The following RYR2 variants were observed in gnomAD, a reference collection of about 807,000 sequenced individuals.
The protein encoded by RYR2 is ryanodine receptor 2.
In RYR2, 227 loss-of-function variants were observed where a neutral mutation model predicts 601.1. That is an observed-to-expected ratio of 0.38 (90% confidence interval 0.34 to 0.42). The LOEUF (loss-of-function observed/expected upper bound fraction) is 0.42. Among genes scored for constraint, RYR2 ranks in the 10% least tolerant of loss-of-function variants. The probability of loss-of-function intolerance (pLI) is 1.00; values close to 1 mark genes in which losing one functional copy is unlikely to be tolerated. For synonymous variants in RYR2, 2,223 were observed against 2,175.1 expected, an observed-to-expected ratio of 1.02 and a Z score of -0.61; for missense variants, 4,646 against 6,156.5, an observed-to-expected ratio of 0.75 and a Z score of 8.21.
rs984549300 is a variant in RYR2, at chr1:237,180,091, C to T, written c.49-90406C>T. Among the ~76,000 whole-genome samples the T allele has an allele frequency of 2.0e-5, 3 of 151,970 alleles. No homozygotes were observed. Among genetic ancestry groups the T allele is most frequent in the South Asian group, 2.1e-4 (1 of 4,830 alleles). Reference sequence around the variant, plus strand: ...CCGACTTACTGAGCCATGTCCGTGTCGTCCTGTTGGTAAGGGCTGTTCAGG... The same window carrying T: ...CCGACTTACTGAGCCATGTCCGTGTTGTCCTGTTGGTAAGGGCTGTTCAGG... On this transcript the variant is annotated intron_variant, in intron 1 of 104. Coordinates refer to ENST00000366574, the MANE Select transcript of RYR2 (RefSeq NM_001035.3). The surrounding 1 kb of genome is among the most constrained non-coding windows in gnomAD (Gnocchi z 5.3).
intron 80 of RYR2, among the ~76,000 whole-genome samples, chr1:237,751,846 G>T (rs182235315): frequency 6.6e-6 from 1 of 152,158 alleles, no homozygotes. Flanking sequence ...GGATAATGAT[G>T]AAAGATCTGA....
At chr1:237,612,265 T>C (rs968518835) in intron 36 of RYR2, among the ~76,000 whole-genome samples, 2 of 152,254 alleles carry the variant, frequency 1.3e-5, no homozygotes, top group East Asian at 3.9e-4. Context: ...AGATTAGTAG[T>C]TACCTAGGGC....
intron 54 of RYR2, 21 bp downstream of exon 54, chr1:237,658,043 T>C (rs1265704276): frequency 1.5e-6 from 2 of 1,349,142 alleles, no homozygotes; most frequent in Non-Finnish European, 2.0e-6. Context: ...TATTACATTC[T>C]AATTCAGTAG....
chr1:237,716,983 G>T (rs1689318059), intron 71 of RYR2, among the ~76,000 whole-genome samples: 1 of 152,100 alleles, frequency 6.6e-6, no homozygotes, highest in Non-Finnish European at 1.5e-5. Context: ...GCATACCAGT[G>T]AATTATAATG....
intron 10 of RYR2, among the ~76,000 whole-genome samples, chr1:237,402,727 C>A (rs1410042093): frequency 1.4e-5 from 2 of 141,132 alleles, no homozygotes; most frequent in African/African-American, 2.6e-5. Flanking sequence ...CCAGCCTGGA[C>A]AACATAGTGA....
intron 10 of RYR2, among the ~76,000 whole-genome samples, chr1:237,405,940 T>C (rs1463696572): frequency 7.6e-6 from 1 of 131,468 alleles, no homozygotes; most frequent in Non-Finnish European, 1.7e-5. Context: ...CATCAACCAC[T>C]GAGGTATTCT....
intron 40 of RYR2, among the ~76,000 whole-genome samples, chr1:237,626,730 C>T (rs556886335): frequency 1.4e-4 from 21 of 151,150 alleles, no homozygotes; most frequent in African/African-American, 3.9e-4. Flanking sequence ...TGCACCAAGA[C>T]GCCTGATTAG....
Position 237,727,140 on chromosome 1 carries a change from G to T in RYR2, c.10779G>T (p.Lys3593Asn). The change falls in exon 76 of 105, where the codon AAG becomes AAT. Residue 3593 changes from lysine to asparagine, a missense_variant. By Grantham distance (94) the Lys-to-Asn change is moderately conservative (BLOSUM62 0). Transcript: ENST00000366574. ...CTGTATGGCATAAACTACTGTCCAA[G>T]CAGAGGAAAAGGGCTGTTGTAGCCT... Reference protein sequence around the residue: ...KKAVWHKLLSKQRKRAVVACF... With the variant: ...KKAVWHKLLSNQRKRAVVACF... The T allele has an allele frequency of 6.2e-7, 1 of 1,605,816 alleles. No individual in the cohort carries two copies. The highest frequency in any genetic ancestry group is 1.1e-5 in the South Asian group (1 of 90,268).
chr1:237,168,679 G>C (rs1455383605), intron 1 of RYR2, among the ~76,000 whole-genome samples: 1 of 145,538 alleles, frequency 6.9e-6, no homozygotes, highest in Non-Finnish European at 1.5e-5. Flanking sequence ...AGAATGTTTA[G>C]ATTTCACTTT....
At chr1:237,606,358 T>A (rs1677122266) in intron 35 of RYR2, among the ~76,000 whole-genome samples, 1 of 152,174 alleles carries the variant, frequency 6.6e-6, no homozygotes, top group South Asian at 2.1e-4. Context: ...GAAAACTGGC[T>A]AGCCATATGT....
chr1:237,497,662 G>A (rs1664215577), intron 20 of RYR2, among the ~76,000 whole-genome samples: 1 of 152,126 alleles, frequency 6.6e-6, no homozygotes, highest in African/African-American at 2.4e-5. Flanking sequence ...AGACATTTAT[G>A]AATGCTTTAT....
chr1:237,661,736 C>A (rs982806389), intron 56 of RYR2, among the ~76,000 whole-genome samples: 3 of 152,082 alleles, frequency 2.0e-5, no homozygotes, highest in Non-Finnish European at 2.9e-5. Flanking sequence ...GCCACACAGG[C>A]AGAGCAAGAA....
intron 43 of RYR2, 57 bp from the exon 44 acceptor site, chr1:237,634,832 G>A: frequency 7.7e-7 from 1 of 1,301,184 alleles, no homozygotes; most frequent in Non-Finnish European, 1.1e-6. Flanking sequence ...ATTTTTGTAT[G>A]GAGTTTATAG....
chr1:237,762,440 G>T (rs959734663), intron 84 of RYR2, among the ~76,000 whole-genome samples: 1 of 152,134 alleles, frequency 6.6e-6, no homozygotes, highest in African/African-American at 2.4e-5. Flanking sequence ...TCCAAAGCCT[G>T]ACTTCCCTGT....
intron 84 of RYR2, among the ~76,000 whole-genome samples, chr1:237,763,893 A>G (rs568067783): frequency 2.2e-4 from 33 of 152,336 alleles, no homozygotes. Flanking sequence ...AAAAGCCTAC[A>G]TACACTCACA....
chr1:237,654,980 G>C (rs1257135071), intron 52 of RYR2, among the ~76,000 whole-genome samples: 4 of 152,162 alleles, frequency 2.6e-5, no homozygotes, highest in African/African-American at 4.8e-5. Context: ...AACAAGTTTT[G>C]TGTGTTCATC....
intron 56 of RYR2, among the ~76,000 whole-genome samples, chr1:237,665,364 A>ACTCCAGCCT (rs1684218440): frequency 6.8e-6 from 1 of 146,948 alleles, no homozygotes; most frequent in South Asian, 2.1e-4. Context: ...GTGCCACTGC[A>ACTCCAGCCT]CTCCAGCCTG....
At chr1:237,152,626 G>T (rs1044560612) in intron 1 of RYR2, among the ~76,000 whole-genome samples, 1 of 151,902 alleles carries the variant, frequency 6.6e-6, no homozygotes, top group Non-Finnish European at 1.5e-5. Context: ...TTTTTTTCAC[G>T]TTTGTTGGCT....
intron 1 of RYR2, among the ~76,000 whole-genome samples, chr1:237,211,210 A>C (rs1279448065): frequency 3.9e-5 from 6 of 152,194 alleles, no homozygotes; most frequent in African/African-American, 1.4e-4. Context: ...TACAAAGCTC[A>C]CCGTGGCTCT....
Sources: allele counts gnomAD v4.1 joint callset (sites outside exome capture counted in the v4.1 genomes callset), GRCh38; gene constraint gnomAD v4.1.1; non-coding constraint Gnocchi (gnomAD v3.1); transcripts MANE v1.5; gene names NCBI Gene and HGNC (gene_info 2026-07-23, HGNC 2026-07-21).